The following TTC28 variants were observed in gnomAD, a reference collection of about 807,000 sequenced individuals.
TTC28 encodes the protein tetratricopeptide repeat protein 28.
A neutral mutation model predicts 198.0 loss-of-function variants in TTC28; 61 were observed. The observed-to-expected ratio is 0.31, with a 90% CI of 0.25 to 0.38. TTC28 has a LOEUF of 0.38. Ranked by LOEUF, TTC28 falls within the 10% of genes least tolerant of loss-of-function variation. The pLI, the probability that TTC28 is intolerant of heterozygous loss-of-function variation, is 1.00. For synonymous variants in TTC28, 1,171 were observed against 1,297.8 expected (o/e 0.90, Z 2.10); for missense variants, 2,678 against 3,164.0 (o/e 0.85, Z 3.69).
intron 1 of TTC28, among the ~76,000 whole-genome samples, chr22:28,669,747 C>G (rs1298731125): frequency 2.0e-5 from 3 of 152,124 alleles, no homozygotes. Context: ...CAAAAACGTT[C>G]TTATCTATCT....
At chr22:28,361,523 G>A (rs2046159486) in intron 2 of TTC28, among the ~76,000 whole-genome samples, 1 of 152,070 alleles carries the variant, frequency 6.6e-6, no homozygotes, top group African/African-American at 2.4e-5. Context: ...AGCAGAGGCT[G>A]GTTTATGAGG....
chr22:28,313,210 G>C (rs2045296359), intron 2 of TTC28, among the ~76,000 whole-genome samples: 2 of 152,144 alleles, frequency 1.3e-5, no homozygotes, highest in Non-Finnish European at 2.9e-5. Context: ...TGAAATTGAG[G>C]CAATAACTAA....
At chr22:27,987,555 A>G (rs1937255382) in intron 21 of TTC28, among the ~76,000 whole-genome samples, 1 of 152,062 alleles carries the variant, frequency 6.6e-6, no homozygotes, top group Non-Finnish European at 1.5e-5. Context: ...AACATGGCGA[A>G]CCCCTGTGTC....
intron 22 of TTC28, among the ~76,000 whole-genome samples, chr22:27,984,172 G>T (rs1444301319): frequency 6.6e-6 from 1 of 152,080 alleles, no homozygotes; most frequent in Non-Finnish European, 1.5e-5. Flanking sequence ...AGCAGGGCTG[G>T]CCGTGCTCCT....
chr22:28,080,004 T>C (rs905908898), intron 12 of TTC28, among the ~76,000 whole-genome samples: 1 of 152,154 alleles, frequency 6.6e-6, no homozygotes, highest in African/African-American at 2.4e-5. Flanking sequence ...GCTGAGATTA[T>C]AGGCATGAGC....
At chr22:28,325,835 A>G (rs2045521067) in intron 2 of TTC28, among the ~76,000 whole-genome samples, 1 of 152,168 alleles carries the variant, frequency 6.6e-6, no homozygotes, top group Admixed American at 6.6e-5. Flanking sequence ...AAAAAAGGAA[A>G]AATGACAATA....
intron 12 of TTC28, among the ~76,000 whole-genome samples, chr22:28,032,241 T>C (rs1939148945): frequency 8.4e-6 from 1 of 119,696 alleles, no homozygotes; most frequent in Non-Finnish European, 1.6e-5. Context: ...ATAAAATATA[T>C]ATATATAAAA....
At chr22:28,564,595 C>T (rs2049941705) in intron 2 of TTC28, among the ~76,000 whole-genome samples, 1 of 151,362 alleles carries the variant, frequency 6.6e-6, no homozygotes, top group Admixed American at 6.6e-5. Context: ...GGTTTTCCAC[C>T]CCACTCTGAA....
chr22:28,624,635 T>C (rs964770531), intron 2 of TTC28, among the ~76,000 whole-genome samples: 1 of 152,154 alleles, frequency 6.6e-6, no homozygotes, highest in African/African-American at 2.4e-5. Flanking sequence ...AAGATAAATA[T>C]GGCTTGACTG....
chr22:28,379,456 A>T (rs2046463025), intron 2 of TTC28, among the ~76,000 whole-genome samples: 1 of 152,254 alleles, frequency 6.6e-6, no homozygotes. Context: ...AAAGAAAGGA[A>T]AATATGGCAC....
intron 2 of TTC28, among the ~76,000 whole-genome samples, chr22:28,602,069 C>T (rs1333417249): frequency 6.6e-6 from 1 of 152,146 alleles, no homozygotes; most frequent in East Asian, 1.9e-4. Flanking sequence ...GCAGTCCAGA[C>T]TAGCAGCAAT....
intron 5 of TTC28, among the ~76,000 whole-genome samples, chr22:28,266,360 C>T (rs1160195203): frequency 1.3e-5 from 2 of 152,078 alleles, no homozygotes; most frequent in East Asian, 1.9e-4. Context: ...CTTCAACCTG[C>T]GTGTATCATT....
At chr22:28,134,564 T>C (rs1185194294) in intron 6 of TTC28, among the ~76,000 whole-genome samples, 3 of 152,204 alleles carry the variant, frequency 2.0e-5, no homozygotes, top group Non-Finnish European at 4.4e-5. Flanking sequence ...CAAGCTTCAG[T>C]AGCCGATTCG....
At chr22:28,370,971 T>C (rs2046322723) in intron 2 of TTC28, among the ~76,000 whole-genome samples, 1 of 152,192 alleles carries the variant, frequency 6.6e-6, no homozygotes, top group African/African-American at 2.4e-5. Flanking sequence ...TGAGAAGCAC[T>C]GACACTACAG....
chr22:28,088,041 T>C (rs988561406), intron 12 of TTC28, among the ~76,000 whole-genome samples: 2 of 152,198 alleles, frequency 1.3e-5, no homozygotes, highest in Non-Finnish European at 2.9e-5. Flanking sequence ...GAACATTCCA[T>C]GCTCATGGAT....
intron 2 of TTC28, among the ~76,000 whole-genome samples, chr22:28,464,422 C>G (rs191618988): frequency 1.3e-5 from 2 of 152,304 alleles, no homozygotes; most frequent in East Asian, 3.9e-4. Flanking sequence ...GTATTTATAT[C>G]CCCATAAGAC....
At chr22:28,125,960 C>T (rs1256921869) in intron 6 of TTC28, among the ~76,000 whole-genome samples, 1 of 152,116 alleles carries the variant, frequency 6.6e-6, no homozygotes, top group East Asian at 1.9e-4. Flanking sequence ...TACCCATCTA[C>T]AATCCTTAGA....
chr22:28,286,436 T>C (rs1336262164), intron 5 of TTC28, among the ~76,000 whole-genome samples: 4 of 152,208 alleles, frequency 2.6e-5, no homozygotes, highest in African/African-American at 4.8e-5. Context: ...ATTCTAAGCA[T>C]TGAAGTCCAG....
At chr22:28,611,351 A>C (rs904637872) in intron 2 of TTC28, among the ~76,000 whole-genome samples, 2 of 152,196 alleles carry the variant, frequency 1.3e-5, no homozygotes, top group African/African-American at 2.4e-5. Context: ...AGCCCATCAG[A>C]CTAACGGCAG....
Sources: allele counts gnomAD v4.1 joint callset (sites outside exome capture counted in the v4.1 genomes callset), GRCh38; gene constraint gnomAD v4.1.1; transcripts MANE v1.5; gene names NCBI Gene and HGNC (gene_info 2026-07-23, HGNC 2026-07-21).